The following ZNF385B variants were observed in gnomAD, a reference collection of about 807,000 sequenced individuals.
The protein encoded by ZNF385B is zinc finger protein 533.
A neutral mutation model predicts 39.2 loss-of-function variants in ZNF385B; 23 were observed. That is an observed-to-expected ratio of 0.59 (90% CI 0.42 to 0.83). The LOEUF is 0.83. ZNF385B is among the 40% of genes least tolerant of loss of function. ZNF385B has a pLI of 0.00. For missense variants in ZNF385B, 552 were observed against 598.9 expected (o/e 0.92, Z 0.82); for synonymous variants, 205 against 222.6 (o/e 0.92, Z 0.70).
intron 3 of ZNF385B, among the ~76,000 whole-genome samples, chr2:179,569,295 C>T (rs1396833123): frequency 6.6e-6 from 1 of 152,182 alleles, no homozygotes; most frequent in African/African-American, 2.4e-5. Flanking sequence ...CCATCCATAG[C>T]ATACAAGAAA....
chr2:179,493,146 CATATA>C (rs776195728), intron 5 of ZNF385B, among the ~76,000 whole-genome samples: 16 of 152,130 alleles, frequency 1.1e-4, no homozygotes, highest in African/African-American at 2.9e-4. Flanking sequence ...AAAAGTCATA[CATATA>C]ATATATGATA....
At chr2:179,827,748 C>T (rs1334513691) in intron 1 of ZNF385B, among the ~76,000 whole-genome samples, 1 of 152,096 alleles carries the variant, frequency 6.6e-6, no homozygotes, top group Non-Finnish European at 1.5e-5. Context: ...ACATAACATA[C>T]ATGCATACAA....
chr2:179,548,073 T>C (rs925759057), intron 3 of ZNF385B, among the ~76,000 whole-genome samples: 6 of 149,876 alleles, frequency 4.0e-5, no homozygotes, highest in Non-Finnish European at 7.4e-5. Flanking sequence ...ATGTTGATTT[T>C]GTATCCTGTA....
At chr2:179,590,456 T>A (rs1249896759) in intron 3 of ZNF385B, among the ~76,000 whole-genome samples, 1 of 152,238 alleles carries the variant, frequency 6.6e-6, no homozygotes, top group East Asian at 1.9e-4. Context: ...CAGAATATAC[T>A]AGTATTCACT....
intron 1 of ZNF385B, among the ~76,000 whole-genome samples, chr2:179,804,181 C>T (rs1706207742): frequency 6.6e-6 from 1 of 152,176 alleles, no homozygotes; most frequent in Non-Finnish European, 1.5e-5. Context: ...ACCATTATTG[C>T]TGGGCTGAGC....
chr2:179,854,809 T>C (rs535397816), intron 1 of ZNF385B, among the ~76,000 whole-genome samples: 1 of 152,340 alleles, frequency 6.6e-6, no homozygotes, highest in African/African-American at 2.4e-5. Flanking sequence ...TTTCATTATG[T>C]CTTCTTAATT....
chr2:179,622,483 C>A (rs565121318), intron 3 of ZNF385B, among the ~76,000 whole-genome samples: 7 of 152,118 alleles, frequency 4.6e-5, no homozygotes, highest in African/African-American at 1.7e-4. Context: ...AGAGAGGTAA[C>A]AAAGTTAAAA....
chr2:179,810,163 T>C (rs1575532953), intron 1 of ZNF385B, among the ~76,000 whole-genome samples: 1 of 151,856 alleles, frequency 6.6e-6, no homozygotes, highest in East Asian at 1.9e-4. Flanking sequence ...TGAAACTATA[T>C]ATCAAATAAA....
chr2:179,576,151 T>G, intron 3 of ZNF385B: 1 of 985,442 alleles, frequency 1.0e-6, no homozygotes, highest in South Asian at 4.7e-5. Flanking sequence ...AATCCATCCC[T>G]GTGACTGACT....
chr2:179,621,725 C>T (rs1019907162), intron 3 of ZNF385B, among the ~76,000 whole-genome samples: 3 of 152,164 alleles, frequency 2.0e-5, no homozygotes, highest in Non-Finnish European at 4.4e-5. Flanking sequence ...GCTCCTCAGT[C>T]GCCCCTTTGG....
At chr2:179,689,783 A>ATGTGTGTG (rs112957152) in intron 3 of ZNF385B, among the ~76,000 whole-genome samples, 53 of 130,102 alleles carry the variant, frequency 4.1e-4, no homozygotes, top group Admixed American at 1.1e-3. Context: ...GGGCAGGGGC[A>ATGTGTGTG]TGTGTGTGTG....
intron 1 of ZNF385B, among the ~76,000 whole-genome samples, chr2:179,835,547 A>G (rs1708202754): frequency 6.6e-6 from 1 of 152,158 alleles, no homozygotes; most frequent in African/African-American, 2.4e-5. Flanking sequence ...TCTAAGGAAT[A>G]CGACGCTTGC....
intron 1 of ZNF385B, among the ~76,000 whole-genome samples, chr2:179,844,949 C>G (rs1014177401): frequency 4.6e-5 from 7 of 152,128 alleles, no homozygotes; most frequent in Non-Finnish European, 1.0e-4. Flanking sequence ...CATTGTCTTT[C>G]TTTGTAACCT....
chr2:179,806,255 A>G lies in ZNF385B; in HGVS notation c.-154-35583T>C, dbSNP rs184291787. 2.0e-5 allele frequency among the ~76,000 whole-genome samples: 3 copies of G among 152,336 alleles called. No individual in the cohort carries two copies. The East Asian group carries it at 5.8e-4, about 29-fold the overall frequency. ...CCAATACAAAATGTACAAGATGATA[A>G]ACAAGCTATTTGCATAAGGAAAAAC... On this transcript the variant is annotated intron_variant, in intron 1 of 9. Coordinates refer to ENST00000410066, the MANE Select transcript of ZNF385B (RefSeq NM_152520.6).
chr2:179,747,126 C>T (rs1180403341), intron 3 of ZNF385B, among the ~76,000 whole-genome samples: 2 of 152,046 alleles, frequency 1.3e-5, no homozygotes, highest in African/African-American at 4.8e-5. Flanking sequence ...GTAATCCTAC[C>T]AGCTCTGAGA....
chr2:179,579,892 T>G (rs1402232412), intron 3 of ZNF385B, among the ~76,000 whole-genome samples: 1 of 152,122 alleles, frequency 6.6e-6, no homozygotes, highest in African/African-American at 2.4e-5. Flanking sequence ...GATTGAGAAA[T>G]TTTAGTGAGT....
chr2:179,636,573 G>A (rs940118405), intron 3 of ZNF385B, among the ~76,000 whole-genome samples: 4 of 152,140 alleles, frequency 2.6e-5, no homozygotes, highest in African/African-American at 4.8e-5. Flanking sequence ...ATATGATCAC[G>A]TGGACACACT....
chr2:179,466,544 A>G (rs953982826), intron 6 of ZNF385B, among the ~76,000 whole-genome samples: 3 of 152,150 alleles, frequency 2.0e-5, no homozygotes, highest in Non-Finnish European at 2.9e-5. Context: ...AATGGTCTAT[A>G]TAGTCAATAT....
intron 3 of ZNF385B, among the ~76,000 whole-genome samples, chr2:179,621,064 G>A (rs182317196): frequency 5.9e-5 from 9 of 152,186 alleles, no homozygotes; most frequent in African/African-American, 1.9e-4. Flanking sequence ...TACTAACCAG[G>A]TGGTATGCAT....
Sources: gnomAD v4.1 joint callset for allele counts (sites outside exome capture counted in the v4.1 genomes callset) on GRCh38, gnomAD v4.1.1 for gene constraint, MANE v1.5 for transcripts, NCBI Gene and HGNC (gene_info 2026-07-23, HGNC 2026-07-21) for gene names.